ZNF257: variants seen among roughly 807,000 people sequenced by gnomAD.
ZNF257 encodes bone marrow zinc finger 4.
In ZNF257, 12 loss-of-function variants were observed where a neutral mutation model predicts 11.9. The ratio of observed to expected loss-of-function variants is 1.01; its 90% confidence interval spans 0.65 to 1.63. The LOEUF is 1.63. ZNF257 is among the 40% of genes most tolerant of loss of function. The probability of loss-of-function intolerance (pLI) is 0.00; values close to 1 mark genes in which losing one functional copy is unlikely to be tolerated. For synonymous variants in ZNF257, 183 were observed against 222.7 expected (o/e 0.82, Z 1.59); for missense variants, 580 against 665.5 (o/e 0.87, Z 1.41).
intron 3 of ZNF257, among the ~76,000 whole-genome samples, chr19:22,085,131 C>T (rs2022447933): frequency 6.6e-6 from 1 of 152,050 alleles, no homozygotes; most frequent in Admixed American, 6.5e-5. Flanking sequence ...CTGCTCACTG[C>T]AACCTCCGCC....
At chr19:22,084,489 A>G (rs2022430088) in intron 3 of ZNF257, among the ~76,000 whole-genome samples, 1 of 150,790 alleles carries the variant, frequency 6.6e-6, no homozygotes, top group Non-Finnish European at 1.5e-5. Flanking sequence ...TTGCAATAGC[A>G]CTCCTGAGTT....
intron 1 of ZNF257, among the ~76,000 whole-genome samples, chr19:22,053,365 T>C (rs1373185535): frequency 8.8e-5 from 1 of 11,416 alleles, no homozygotes; most frequent in Admixed American, 1.4e-3. Context: ...AGACTCCGTC[T>C]CAAAAAAAAA....
chr19:22,088,349 C>A lies in ZNF257; in HGVS notation c.599C>A (p.Ser200Tyr). The A allele has an allele frequency of 6.2e-7, 1 of 1,613,632 alleles. No homozygotes were observed. Among genetic ancestry groups the A allele is most frequent in the Non-Finnish European group, 8.5e-7 (1 of 1,179,804 alleles). The change falls in exon 4 of 4, where the codon TCC (serine) becomes TAC (tyrosine). Residue 200 changes from serine to tyrosine, a missense_variant. Coordinates refer to ENST00000594947, the MANE Select transcript of ZNF257 (RefSeq NM_033468.4). Reference sequence around the variant, plus strand: ...AAGAGAATTCATATTAGAGAGAATTCCCACAAATGTGAAGAATGTGGCAAA... The same window carrying A: ...AAGAGAATTCATATTAGAGAGAATTACCACAAATGTGAAGAATGTGGCAAA... Reference protein sequence around the residue: ...RHKRIHIRENSHKCEECGKAF... With the variant: ...RHKRIHIRENYHKCEECGKAF...
At chr19:22,075,774 A>G (rs983601390) in intron 3 of ZNF257, 1 of 152,350 alleles carries the variant, frequency 6.6e-6, no homozygotes, top group Non-Finnish European at 1.5e-5. Flanking sequence ...GTCTTGCTAC[A>G]TAACCCAGGC....
Position 22,052,614 on chromosome 19 carries a change from T to A in ZNF257, c.-19T>A, listed in dbSNP as rs1407242053. 2 of 1,606,732 alleles carry A rather than the reference T, an allele frequency of 1.2e-6. No homozygotes were observed. Among genetic ancestry groups the A allele is most frequent in the African/African-American group, 1.3e-5 (1 of 74,720 alleles). On this transcript the variant is annotated 5_prime_UTR_variant, in exon 1 of 4. Transcript: ENST00000594947. ...GGAGATCCCCAGCTAAGACGCCAGGTCCTCCTGGAAGCCTAGAAATGGTGA... is the reference window on the plus strand; with the variant it reads ...GGAGATCCCCAGCTAAGACGCCAGGACCTCCTGGAAGCCTAGAAATGGTGA...
chr19:22,063,421 T>A (rs2021856799), intron 1 of ZNF257, among the ~76,000 whole-genome samples: 1 of 152,234 alleles, frequency 6.6e-6, no homozygotes, highest in African/African-American at 2.4e-5. Context: ...TTGCTCTTGC[T>A]TCTCATACTT....
At chr19:22,052,991 T>G (rs536742394) in intron 1 of ZNF257, among the ~76,000 whole-genome samples, 1 of 152,192 alleles carries the variant, frequency 6.6e-6, no homozygotes, top group East Asian at 1.9e-4. Context: ...GGGAAGAGCT[T>G]TGGTCTGTGG....
Position 22,090,714 on chromosome 19 carries a change from C to A in ZNF257, c.*1272C>A, listed in dbSNP as rs1440565627. On this transcript the variant is annotated 3_prime_UTR_variant, in exon 4 of 4. Coordinates refer to ENST00000594947, the MANE Select transcript of ZNF257 (RefSeq NM_033468.4). ...GAAGTCATAATTAAATTCAAGTATA[C>A]TTTTTTGATAAAATTATAAAGCTTT... The A allele has an allele frequency of 6.6e-6, 1 of 152,052 alleles. No homozygotes were observed. Among genetic ancestry groups the A allele is most frequent in the Non-Finnish European group, 1.5e-5 (1 of 67,992 alleles). The allele number at this position is 152,052 out of a possible 1,614,324, so 9.4% of individuals were successfully genotyped here. A position where few individuals can be genotyped will look rare whatever the true frequency, so the allele number is the denominator to read the frequency against.
intron 3 of ZNF257, among the ~76,000 whole-genome samples, chr19:22,074,953 G>T (rs761334100): frequency 1.6e-4 from 22 of 138,506 alleles, no homozygotes; most frequent in Admixed American, 3.7e-4. Context: ...GCATTGACAA[G>T]GTGCACAATA....
Position 22,089,204 on chromosome 19 carries a change from A to C in ZNF257, c.1454A>C (p.Lys485Thr), listed in dbSNP as rs761227733. Residue 485 changes from lysine to threonine, a missense_variant, in exon 4 of 4, where the codon AAG becomes ACG. Physicochemically the swap from Lys to Thr is moderately conservative, Grantham distance 78 (BLOSUM62 -1). Transcript: ENST00000594947. ...CATAAAATAATTCATACTGGGGAGA[A>C]GCCCTACAAATGTGAAGAATGTGGC... ...TQHKIIHTGE[K>T]PYKCEECGKA... 2.5e-6 allele frequency: 4 copies of C among 1,613,850 alleles called. No homozygotes were observed. Among genetic ancestry groups the C allele is most frequent in the Non-Finnish European group, 3.4e-6 (4 of 1,179,848 alleles).
At chr19:22,052,708 G>C in intron 1 of ZNF257, 73 bp downstream of exon 1, 2 of 1,571,862 alleles carry the variant, frequency 1.3e-6, no homozygotes, top group South Asian at 2.2e-5. Context: ...TCGCTGTGGC[G>C]GGACTCAGGC....
intron 3 of ZNF257, among the ~76,000 whole-genome samples, chr19:22,079,188 AG>A (rs1319452348): frequency 6.6e-6 from 1 of 152,120 alleles, no homozygotes; most frequent in African/African-American, 2.4e-5. Flanking sequence ...GATCTTTTAA[AG>A]GGGGGTTCAT....
intron 2 of ZNF257, 38 bp downstream of exon 2, chr19:22,072,973 CA>C: frequency 6.6e-7 from 1 of 1,510,166 alleles, no homozygotes; most frequent in East Asian, 2.4e-5. Flanking sequence ...TAATATACTC[CA>C]AAGGCTTTAT....
At chr19:22,078,792 CTTTT>C (rs376822565) in intron 3 of ZNF257, among the ~76,000 whole-genome samples, 2 of 132,980 alleles carry the variant, frequency 1.5e-5, no homozygotes, top group African/African-American at 5.6e-5. Flanking sequence ...TTCTTTCTTT[CTTTT>C]TTTTTTTTTT....
rs1290897604 is a variant in ZNF257 at position 22,089,026 on chromosome 19, A to G, written c.1276A>G (p.Thr426Ala). ...TTLTQHKIIH[T>A]GEKPYKCEEC... ...CCTTACTCAGCATAAGATAATTCAT[A>G]CTGGAGAGAAACCCTACAAATGTGA... The change falls in exon 4 of 4, where the codon ACT (threonine) becomes GCT (alanine). Residue 426 changes from threonine to alanine, a missense_variant. Transcript: ENST00000594947. The G allele has an allele frequency of 2.5e-6, 4 of 1,613,742 alleles. No individual in the cohort carries two copies. Among genetic ancestry groups the G allele is most frequent in the Admixed American group, 1.7e-5 (1 of 59,988 alleles).
chr19:22,083,263 A>T (rs2022400073), intron 3 of ZNF257, among the ~76,000 whole-genome samples: 1 of 152,150 alleles, frequency 6.6e-6, no homozygotes, highest in Admixed American at 6.5e-5. Context: ...TTAGGTCAGC[A>T]GTTTGAGACC....
At position 22,090,538 on chromosome 19, in the gene ZNF257, T is replaced by G. The variant is rs958715730; in HGVS notation, c.*1096T>G. The G allele has an allele frequency of 6.6e-5, 10 of 152,160 alleles. No homozygotes were observed. The highest frequency in any genetic ancestry group is 5.9e-4 in the Admixed American group (9 of 15,280). The allele number at this position is 152,160 out of a possible 1,614,324, so 9.4% of individuals were successfully genotyped here. ...ATATTTAATTCAAATTGAGTTTATA[T>G]AATTATCAGAGAATTAACAGTAGAA... On this transcript the variant is annotated 3_prime_UTR_variant, in exon 4 of 4. Coordinates refer to ENST00000594947, the MANE Select transcript of ZNF257 (RefSeq NM_033468.4).
intron 1 of ZNF257, among the ~76,000 whole-genome samples, chr19:22,053,364 C>T (rs1351630552): frequency 5.6e-5 from 2 of 35,824 alleles, no homozygotes; most frequent in African/African-American, 1.7e-4. Context: ...GAGACTCCGT[C>T]TCAAAAAAAA....
intron 3 of ZNF257, among the ~76,000 whole-genome samples, chr19:22,083,474 A>G (rs1250932543): frequency 1.3e-5 from 2 of 152,086 alleles, no homozygotes; most frequent in Admixed American, 6.6e-5. Flanking sequence ...ATCTCGAAAA[A>G]CTAAACTCAT....
Sources: allele counts gnomAD v4.1 joint callset (sites outside exome capture counted in the v4.1 genomes callset), GRCh38; gene constraint gnomAD v4.1.1; transcripts MANE v1.5; gene names NCBI Gene and HGNC (gene_info 2026-07-23, HGNC 2026-07-21).